KCNU1: variants seen among roughly 807,000 people sequenced by gnomAD.
KCNU1 encodes potassium calcium-activated channel subfamily U member 1.
A neutral mutation model predicts 126.8 loss-of-function variants in KCNU1; 93 were observed. The ratio of observed to expected loss-of-function variants is 0.73; its 90% CI spans 0.62 to 0.87. The LOEUF (loss-of-function observed/expected upper bound fraction) is 0.87, where lower values mean the gene tolerates loss of function less well. Ranked by LOEUF, KCNU1 falls within the 40% of genes least tolerant of loss-of-function variation. The probability of loss-of-function intolerance (pLI) is 0.00; values close to 1 mark genes in which losing one functional copy is unlikely to be tolerated. For synonymous variants in KCNU1, 523 were observed against 494.2 expected (o/e 1.06, Z -0.77); for missense variants, 1,330 against 1,367.1 (o/e 0.97, Z 0.43).
chr8:36,854,123 C>A (rs1330019154), intron 18 of KCNU1, among the ~76,000 whole-genome samples: 2 of 152,168 alleles, frequency 1.3e-5, no homozygotes, highest in African/African-American at 4.8e-5. Flanking sequence ...CGATGAGTCA[C>A]TTCTGTCTTG....
At chr8:36,924,012 T>C (rs1348149425) in intron 24 of KCNU1, among the ~76,000 whole-genome samples, 2 of 152,236 alleles carry the variant, frequency 1.3e-5, no homozygotes, top group Admixed American at 6.5e-5. Context: ...GAGCTATTAT[T>C]CCTGGTGTCT....
intron 19 of KCNU1, among the ~76,000 whole-genome samples, chr8:36,905,176 G>A (rs1261896154): frequency 6.6e-6 from 1 of 152,070 alleles, no homozygotes; most frequent in East Asian, 1.9e-4. Flanking sequence ...GCAAAGTCTA[G>A]GCAAATGCAG....
chr8:36,816,588 AT>A (rs1318726229), intron 9 of KCNU1, among the ~76,000 whole-genome samples: 1 of 152,200 alleles, frequency 6.6e-6, no homozygotes, highest in Non-Finnish European at 1.5e-5. Flanking sequence ...ATCTGGCCTC[AT>A]TTGTCTCAGG....
intron 5 of KCNU1, 95 bp downstream of exon 5, chr8:36,806,475 C>A: frequency 1.5e-6 from 1 of 672,512 alleles, no homozygotes; most frequent in South Asian, 2.0e-5. Context: ...GTTCTTAATG[C>A]CTGACTGTCA....
At chr8:36,789,596 A>G (rs1802832188) in intron 2 of KCNU1, among the ~76,000 whole-genome samples, 2 of 152,190 alleles carry the variant, frequency 1.3e-5, no homozygotes, top group African/African-American at 4.8e-5. Context: ...AAGAAACTTA[A>G]ATTCTAGTGG....
At chr8:36,787,187 G>A in intron 1 of KCNU1, 119 bp from the exon 2 acceptor site, 2 of 851,950 alleles carry the variant, frequency 2.3e-6, no homozygotes, top group South Asian at 2.5e-5. Flanking sequence ...TCCCTGGTTT[G>A]GACAAGGTGG....
chr8:36,879,307 T>A (rs1806391724), intron 19 of KCNU1, among the ~76,000 whole-genome samples: 1 of 150,050 alleles, frequency 6.7e-6, no homozygotes, highest in African/African-American at 2.4e-5. Context: ...TACCCATATA[T>A]GCTGTAATTT....
At chr8:36,895,051 A>G (rs1807130278) in intron 19 of KCNU1, among the ~76,000 whole-genome samples, 1 of 151,890 alleles carries the variant, frequency 6.6e-6, no homozygotes. Flanking sequence ...CCTACTACAC[A>G]TCAGTTTAAG....
At chr8:36,884,754 AAAAAAT>A (rs1055851171) in intron 19 of KCNU1, among the ~76,000 whole-genome samples, 1 of 152,080 alleles carries the variant, frequency 6.6e-6, no homozygotes, top group Admixed American at 6.5e-5. Flanking sequence ...TCAAAAAAAT[AAAAAAT>A]AAAAATAAAA....
At chr8:36,925,492 G>A (rs2117598874) in intron 24 of KCNU1, among the ~76,000 whole-genome samples, 1 of 152,276 alleles carries the variant, frequency 6.6e-6, no homozygotes, top group East Asian at 1.9e-4. Context: ...ATGATGAGCT[G>A]AACTGGGCCA....
At chr8:36,925,807 G>T (rs1453708123) in intron 24 of KCNU1, among the ~76,000 whole-genome samples, 1 of 152,072 alleles carries the variant, frequency 6.6e-6, no homozygotes, top group Non-Finnish European at 1.5e-5. Context: ...TCCTGAATAC[G>T]TTCTCAAACA....
intron 10 of KCNU1, among the ~76,000 whole-genome samples, chr8:36,825,885 T>A (rs2130510951): frequency 6.6e-6 from 1 of 152,318 alleles, no homozygotes; most frequent in African/African-American, 2.4e-5. Flanking sequence ...ACTTCTGTTG[T>A]TGCTATGAAG....
In KCNU1 at chr8:36,876,271, A is replaced by G. The variant is rs1334565397; in HGVS notation, c.2009+11750A>G. Among the ~76,000 whole-genome samples the G allele has an allele frequency of 2.0e-5, 3 of 152,214 alleles. No individual in the cohort carries two copies. In the East Asian group the frequency reaches 5.8e-4, roughly 29 times the overall value. On this transcript the variant is annotated intron_variant, in intron 19 of 26. Transcript: ENST00000399881. ...GCTTTGACTTCTCTACATAGATTCTATCTGTGTTTCTTTACAGCTAATTGG... is the reference window on the plus strand; with the variant it reads ...GCTTTGACTTCTCTACATAGATTCTGTCTGTGTTTCTTTACAGCTAATTGG...
At chr8:36,812,234 G>A (rs1388493132) in intron 7 of KCNU1, among the ~76,000 whole-genome samples, 1 of 151,850 alleles carries the variant, frequency 6.6e-6, no homozygotes, top group East Asian at 1.9e-4. Flanking sequence ...AGAAAAATTA[G>A]TCAGGTGTGG....
At chr8:36,906,952 G>T (rs1807653124) in intron 20 of KCNU1, among the ~76,000 whole-genome samples, 1 of 152,148 alleles carries the variant, frequency 6.6e-6, no homozygotes, top group Non-Finnish European at 1.5e-5. Context: ...GAAGTTGGTT[G>T]CAGATTGAGA....
chr8:36,849,638 C>A (rs1214073187), intron 18 of KCNU1, among the ~76,000 whole-genome samples: 4 of 152,114 alleles, frequency 2.6e-5, no homozygotes, highest in Admixed American at 2.6e-4. Context: ...ATTTCTTTTT[C>A]TTGCTGAATA....
intron 18 of KCNU1, among the ~76,000 whole-genome samples, chr8:36,851,760 T>C (rs998784103): frequency 6.6e-6 from 1 of 152,212 alleles, no homozygotes; most frequent in Non-Finnish European, 1.5e-5. Flanking sequence ...TTTAGATGGT[T>C]CATTTGTAGT....
At chr8:36,915,980 A>G (rs1225819080) in intron 22 of KCNU1, among the ~76,000 whole-genome samples, 1 of 151,974 alleles carries the variant, frequency 6.6e-6, no homozygotes, top group Non-Finnish European at 1.5e-5. Context: ...GGGAAGAAGG[A>G]AAAAAGGAAG....
At chr8:36,844,553 A>G (rs1805073705) in intron 16 of KCNU1, among the ~76,000 whole-genome samples, 1 of 152,216 alleles carries the variant, frequency 6.6e-6, no homozygotes, top group African/African-American at 2.4e-5. Flanking sequence ...AAGGCCATCC[A>G]TTGTCTGAGG....
Sources: gnomAD v4.1 joint callset for allele counts (sites outside exome capture counted in the v4.1 genomes callset) on GRCh38, gnomAD v4.1.1 for gene constraint, MANE v1.5 for transcripts, NCBI Gene and HGNC (gene_info 2026-07-23, HGNC 2026-07-21) for gene names.